EPHA6: variants seen among roughly 807,000 people sequenced by gnomAD.
EPHA6 encodes the protein EPH receptor A6.
Under a neutral mutation model 112.0 loss-of-function variants are expected in EPHA6, and 50 were observed. The ratio of observed to expected loss-of-function variants is 0.45; its 90% CI spans 0.36 to 0.56. EPHA6 has a LOEUF of 0.56. Ranked by LOEUF, EPHA6 falls within the 20% of genes least tolerant of loss-of-function variation. EPHA6 has a pLI of 0.00. For missense variants in EPHA6, 1,280 were observed against 1,417.4 expected (o/e 0.90, Z 1.56); for synonymous variants, 529 against 490.7 (o/e 1.08, Z -1.03).
At chr3:97,304,909 A>C (rs542479468) in intron 5 of EPHA6, among the ~76,000 whole-genome samples, 10 of 152,252 alleles carry the variant, frequency 6.6e-5, no homozygotes, top group African/African-American at 2.4e-4. Context: ...TAAACTAAAG[A>C]GCTTCTGCAC....
At chr3:97,657,237 T>G (rs2094142609) in intron 14 of EPHA6, among the ~76,000 whole-genome samples, 1 of 151,852 alleles carries the variant, frequency 6.6e-6, no homozygotes, top group Admixed American at 6.6e-5. Flanking sequence ...TAAGGAAAAT[T>G]TTCAGGCTGT....
At position 96,953,714 on chromosome 3, in the gene EPHA6, C is replaced by T. The variant is rs370948338; in HGVS notation, c.451-33616C>T. Among the ~76,000 whole-genome samples, 13 of 132,578 alleles carry T rather than the reference C, an allele frequency of 9.8e-5. 2 individuals are homozygous for T. Among genetic ancestry groups the T allele is most frequent in the African/African-American group, 3.4e-4 (12 of 35,012 alleles). 87.0% of individuals were successfully genotyped at this position (132,578 alleles called of 152,430 possible). A position where few individuals can be genotyped will look rare whatever the true frequency, so the allele number is the denominator to read the frequency against. The stretch of plus-strand genomic sequence containing the variant: ...ACCTGAGAGACAACCATCTATATCA[C>T]CATATGCTGATCTATCCATGTTTGA... On this transcript the variant is annotated intron_variant, in intron 2 of 17. Transcript: ENST00000389672.
chr3:97,198,771 A>G (rs1456214732), intron 3 of EPHA6, among the ~76,000 whole-genome samples: 1 of 152,138 alleles, frequency 6.6e-6, no homozygotes, highest in Non-Finnish European at 1.5e-5. Flanking sequence ...ATTAAAGCAA[A>G]AATTCAACAT....
At chr3:97,284,897 C>A (rs1298317912) in intron 5 of EPHA6, among the ~76,000 whole-genome samples, 1 of 152,010 alleles carries the variant, frequency 6.6e-6, no homozygotes, top group Non-Finnish European at 1.5e-5. Flanking sequence ...TTATTTAGTT[C>A]TAGAGGGATA....
intron 5 of EPHA6, among the ~76,000 whole-genome samples, chr3:97,269,553 T>G (rs1185842009): frequency 2.6e-5 from 4 of 152,236 alleles, no homozygotes; most frequent in African/African-American, 9.6e-5. Flanking sequence ...AGCAAAGTTC[T>G]ATTGCAATGT....
At chr3:97,469,726 G>A (rs2091166147) in intron 7 of EPHA6, among the ~76,000 whole-genome samples, 1 of 151,684 alleles carries the variant, frequency 6.6e-6, no homozygotes, top group African/African-American at 2.4e-5. Flanking sequence ...ACATGGGAAA[G>A]GGATGATTTT....
chr3:96,866,048 TATC>T (rs2036290847), intron 1 of EPHA6, among the ~76,000 whole-genome samples: 3 of 152,040 alleles, frequency 2.0e-5, no homozygotes. Flanking sequence ...AAAAAAATCT[TATC>T]ATATCTGATT....
chr3:97,506,149 T>C (rs2092246818), intron 10 of EPHA6, among the ~76,000 whole-genome samples: 1 of 152,224 alleles, frequency 6.6e-6, no homozygotes, highest in African/African-American at 2.4e-5. Flanking sequence ...TTCACTCTGA[T>C]GATAGTTTCT....
chr3:97,216,002 A>G (rs190624293), intron 3 of EPHA6, among the ~76,000 whole-genome samples: 149 of 152,344 alleles, frequency 9.8e-4, no homozygotes, highest in African/African-American at 3.3e-3. Context: ...GAAGAAAGCA[A>G]AAGAGAAAGG....
intron 3 of EPHA6, among the ~76,000 whole-genome samples, chr3:97,210,635 A>G (rs1317247821): frequency 6.6e-6 from 1 of 152,174 alleles, no homozygotes; most frequent in Non-Finnish European, 1.5e-5. Context: ...GAGAACTCGA[A>G]TTATAGGTTA....
intron 3 of EPHA6, among the ~76,000 whole-genome samples, chr3:97,060,630 G>A (rs1055731480): frequency 1.3e-5 from 2 of 152,110 alleles, no homozygotes; most frequent in South Asian, 4.2e-4. Flanking sequence ...AAAGAAAGTC[G>A]GCCGGGCGCG....
intron 3 of EPHA6, among the ~76,000 whole-genome samples, chr3:97,170,065 G>A (rs1046277143): frequency 1.3e-5 from 2 of 151,582 alleles, no homozygotes; most frequent in Admixed American, 1.3e-4. Context: ...AACCACCATG[G>A]CACATGTATG....
At chr3:97,255,144 A>ATG (rs10631180) in intron 5 of EPHA6, among the ~76,000 whole-genome samples, 74,228 of 144,056 alleles carry the variant, frequency 0.52, 19,811 homozygotes, top group Middle Eastern at 0.63. Context: ...TACATCTTGG[A>ATG]TGTGTGTGTG....
intron 3 of EPHA6, among the ~76,000 whole-genome samples, chr3:97,163,839 C>A (rs1286083839): frequency 6.6e-6 from 1 of 152,196 alleles, no homozygotes; most frequent in Non-Finnish European, 1.5e-5. Flanking sequence ...AATTCTATTT[C>A]TTCCCAGTCA....
At chr3:97,576,864 C>T (rs1452142837) in intron 11 of EPHA6, among the ~76,000 whole-genome samples, 1 of 151,958 alleles carries the variant, frequency 6.6e-6, no homozygotes, top group East Asian at 1.9e-4. Flanking sequence ...GTGAAAGGTA[C>T]AATGAACAAG....
intron 3 of EPHA6, among the ~76,000 whole-genome samples, chr3:96,991,429 G>A (rs1486654951): frequency 6.6e-6 from 1 of 152,086 alleles, no homozygotes; most frequent in East Asian, 1.9e-4. Context: ...CATCTTCCAG[G>A]GCCTTTCTCT....
At chr3:97,733,136 G>C (rs950956347) in intron 15 of EPHA6, among the ~76,000 whole-genome samples, 2 of 152,002 alleles carry the variant, frequency 1.3e-5, no homozygotes, top group Admixed American at 6.6e-5. Context: ...TAAGCAACCT[G>C]CTTAATGCTA....
At position 97,751,830 on chromosome 3, in the gene EPHA6, A is replaced by G. The variant is rs1023391176; in HGVS notation, c.*3129A>G. Among the ~76,000 whole-genome samples, 11 of 152,112 alleles carry G rather than the reference A, an allele frequency of 7.2e-5. No homozygotes were observed. Among genetic ancestry groups the G allele is most frequent in the African/African-American group, 2.4e-4 (10 of 41,446 alleles). Reference sequence around the variant, plus strand: ...TATTTTAAATGTCTTGATCTATGCTACTGAGGGGGTGTTTTGGATTTTAAA... The same window carrying G: ...TATTTTAAATGTCTTGATCTATGCTGCTGAGGGGGTGTTTTGGATTTTAAA... On this transcript the variant is annotated 3_prime_UTR_variant, in exon 18 of 18. Coordinates refer to ENST00000389672, the MANE Select transcript of EPHA6 (RefSeq NM_001080448.3).
chr3:97,077,338 G>A (rs540449822), intron 3 of EPHA6, among the ~76,000 whole-genome samples: 7 of 152,016 alleles, frequency 4.6e-5, no homozygotes, highest in African/African-American at 1.7e-4. Context: ...TGTGGAAATA[G>A]CAAGAGAACT....
Sources: allele counts gnomAD v4.1 joint callset (sites outside exome capture counted in the v4.1 genomes callset), GRCh38; gene constraint gnomAD v4.1.1; transcripts MANE v1.5; gene names NCBI Gene and HGNC (gene_info 2026-07-23, HGNC 2026-07-21).